CHD1: variants seen among roughly 807,000 people sequenced by gnomAD.
The protein encoded by CHD1 is chromodomain helicase DNA binding protein 1.
Under a neutral mutation model 224.2 loss-of-function variants are expected in CHD1, and 36 were observed. That is an observed-to-expected ratio of 0.16 (90% CI 0.12 to 0.21). The LOEUF (loss-of-function observed/expected upper bound fraction) is 0.21, where lower values mean the gene tolerates loss of function less well. CHD1 is among the 10% of genes least tolerant of loss of function. The pLI, the probability that CHD1 is intolerant of heterozygous loss-of-function variation, is 1.00. For synonymous variants in CHD1, 668 were observed against 658.3 expected (o/e 1.01, Z -0.23); for missense variants, 1,378 against 1,994.8 (o/e 0.69, Z 5.89).
At chr5:98,866,312 C>T (rs904979243) in intron 31 of CHD1, among the ~76,000 whole-genome samples, 1 of 152,102 alleles carries the variant, frequency 6.6e-6, no homozygotes, top group African/African-American at 2.4e-5. Flanking sequence ...AGAATGTCAA[C>T]AGCTCAAAGT....
intron 19 of CHD1, among the ~76,000 whole-genome samples, chr5:98,882,535 C>T (rs1054684541): frequency 6.6e-6 from 1 of 151,870 alleles, no homozygotes; most frequent in African/African-American, 2.4e-5. Flanking sequence ...TAATAAGAAA[C>T]CCACCATAAA....
intron 17 of CHD1, 164 bp from the exon 18 acceptor site, chr5:98,885,813 T>C: frequency 3.6e-6 from 2 of 562,530 alleles, no homozygotes; most frequent in Non-Finnish European, 6.3e-6. Flanking sequence ...ATTCTGTCTT[T>C]AGTCTGTGCT....
chr5:98,897,068 T>C (rs1751390602), intron 11 of CHD1, 125 bp downstream of exon 11: 1 of 839,770 alleles, frequency 1.2e-6, no homozygotes, highest in Non-Finnish European at 1.9e-6. Flanking sequence ...AACTAGGAAA[T>C]ACAAAGACTA....
intron 2 of CHD1, among the ~76,000 whole-genome samples, chr5:98,925,281 C>G (rs161949): frequency 0.64 from 97,432 of 151,984 alleles, 33,937 homozygotes; most frequent in African/African-American, 0.92. Flanking sequence ...TTATAAATTA[C>G]AGACAAAGTC....
intron 4 of CHD1, 82 bp from the exon 5 acceptor site, chr5:98,903,046 A>G: frequency 1.4e-6 from 1 of 734,758 alleles, no homozygotes; most frequent in East Asian, 2.9e-5. Flanking sequence ...TATACTATTT[A>G]ACATTCACTT....
intron 2 of CHD1, among the ~76,000 whole-genome samples, chr5:98,922,066 T>C (rs568871891): frequency 1.3e-4 from 20 of 152,166 alleles, no homozygotes; most frequent in Non-Finnish European, 2.5e-4. Context: ...GGCAGAAAAC[T>C]GCCAGAACAC....
intron 30 of CHD1, 90 bp from the exon 31 acceptor site, chr5:98,868,725 C>A: frequency 8.1e-7 from 1 of 1,229,882 alleles, no homozygotes; most frequent in Admixed American, 2.7e-5. Flanking sequence ...ATTACTGTCT[C>A]ATTTTATTCT....
At chr5:98,865,633 A>G (rs1187687134) in intron 31 of CHD1, among the ~76,000 whole-genome samples, 1 of 152,222 alleles carries the variant, frequency 6.6e-6, no homozygotes, top group African/African-American at 2.4e-5. Flanking sequence ...TAGGAAGACA[A>G]CCAGTAAAAG....
chr5:98,893,954 CTA>C (rs1751186587), intron 13 of CHD1, among the ~76,000 whole-genome samples: 2 of 151,954 alleles, frequency 1.3e-5, no homozygotes, highest in Admixed American at 1.3e-4. Flanking sequence ...GAAAAAAAAA[CTA>C]TGACACAAAT....
chr5:98,904,993 G>A lies in CHD1; in HGVS notation c.159C>T (p.Asp53=), dbSNP rs901149161. The A allele has an allele frequency of 6.3e-7, 1 of 1,588,328 alleles. No individual in the cohort carries two copies. Among genetic ancestry groups the A allele is most frequent in the Non-Finnish European group, 8.6e-7 (1 of 1,156,682 alleles). Residue 53 remains aspartate, a synonymous_variant, in exon 3 of 36, where the codon GAC becomes GAT. Coordinates refer to ENST00000614616, the MANE Select transcript of CHD1 (RefSeq NM_001270.4). The part of the protein sequence containing the change: ...SSSQSGSSDS[D]SGSESGSQSE... ...ACTGACTGCCTGATTCAGATCCGGA[G>A]TCAGAGTCACTGCTACCTGACTGGC...
intron 30 of CHD1, 101 bp downstream of exon 30, chr5:98,869,653 G>A: frequency 9.5e-7 from 1 of 1,052,588 alleles, no homozygotes; most frequent in Non-Finnish European, 1.4e-6. Context: ...CACACACACA[G>A]ACTTCGGTAC....
Position 98,902,978 on chromosome 5 carries a change from A to G in CHD1, c.373-14T>C. The G allele has an allele frequency of 6.5e-7, 1 of 1,540,460 alleles. No individual in the cohort carries two copies. The highest frequency in any genetic ancestry group is 8.9e-7 in the Non-Finnish European group (1 of 1,118,178). On this transcript the variant is annotated splice_polypyrimidine_tract_variant and intron_variant, in intron 4 of 35. Coordinates refer to ENST00000614616, the MANE Select transcript of CHD1 (RefSeq NM_001270.4). ...GCTAGAGGAATCCTGTAGAAAAGAA[A>G]TAAAGTCAGTATCATCCACTAATGA...
At chr5:98,910,865 T>G (rs1475740688) in intron 2 of CHD1, among the ~76,000 whole-genome samples, 1 of 151,920 alleles carries the variant, frequency 6.6e-6, no homozygotes, top group Non-Finnish European at 1.5e-5. Context: ...GTTCTCTGAT[T>G]CTACAAATAG....
intron 10 of CHD1, among the ~76,000 whole-genome samples, chr5:98,897,857 T>G (rs549687278): frequency 6.6e-6 from 1 of 152,290 alleles, no homozygotes; most frequent in South Asian, 2.1e-4. Flanking sequence ...TTCTCTACCT[T>G]CTAAGAAAAT....
intron 32 of CHD1, among the ~76,000 whole-genome samples, chr5:98,862,634 G>C (rs1197416275): frequency 1.3e-5 from 2 of 151,968 alleles, no homozygotes; most frequent in Non-Finnish European, 1.5e-5. Context: ...ATTTCAATAA[G>C]ATGTTCCTTA....
chr5:98,902,541 G>C (rs866967396), intron 5 of CHD1, among the ~76,000 whole-genome samples: 42 of 152,080 alleles, frequency 2.8e-4, no homozygotes, highest in Middle Eastern at 3.4e-3. Context: ...AGTAAGGATA[G>C]CTATTAATAT....
intron 2 of CHD1, among the ~76,000 whole-genome samples, chr5:98,923,765 C>T (rs1753264063): frequency 6.6e-6 from 1 of 152,130 alleles, no homozygotes; most frequent in African/African-American, 2.4e-5. Flanking sequence ...TATTACTCCT[C>T]CTCGCTTTAG....
chr5:98,889,285 A>G, intron 15 of CHD1, 47 bp from the exon 16 acceptor site: 1 of 1,367,496 alleles, frequency 7.3e-7, no homozygotes, highest in Non-Finnish European at 1.0e-6. Context: ...AACAATTACC[A>G]GGATAAATTC....
At chr5:98,888,975 C>A in intron 16 of CHD1, 101 bp downstream of exon 16, 2 of 705,094 alleles carry the variant, frequency 2.8e-6, no homozygotes, top group South Asian at 3.0e-5. Flanking sequence ...CTAAAGAGAA[C>A]TTTTATCCAA....
Sources: allele counts gnomAD v4.1 joint callset (sites outside exome capture counted in the v4.1 genomes callset), GRCh38; gene constraint gnomAD v4.1.1; transcripts MANE v1.5; gene names NCBI Gene and HGNC (gene_info 2026-07-23, HGNC 2026-07-21).